AGR2: variants seen among roughly 807,000 people sequenced by gnomAD.
The protein encoded by AGR2 is anterior gradient protein 2 homolog.
In AGR2, 27 loss-of-function variants were observed where a neutral mutation model predicts 25.9. That is an observed-to-expected ratio of 1.04 (90% CI 0.77 to 1.44). The LOEUF (loss-of-function observed/expected upper bound fraction) is 1.44, where lower values mean the gene tolerates loss of function less well. Ranked by LOEUF, AGR2 falls within the 40% of genes most tolerant of loss-of-function variation. The pLI is 0.00. For synonymous variants in AGR2, 78 were observed against 72.0 expected, an observed-to-expected ratio of 1.08 and a Z score of -0.42; for missense variants, 182 against 200.9, an observed-to-expected ratio of 0.91 and a Z score of 0.57.
At position 16,792,058 on chromosome 7, in the gene AGR2, A is replaced by C. The variant is rs1048847056; in HGVS notation, c.*850T>G. The stretch of plus-strand genomic sequence containing the variant: ...CAGCCTTTCACGTTTCCTAAACCCT[A>C]GTAACCTCTGATCTCCATCTGCCTC... On this transcript the variant is annotated 3_prime_UTR_variant, in exon 8 of 8. Transcript: ENST00000419304. The C allele has an allele frequency of 3.3e-5, 5 of 152,220 alleles. No homozygotes were observed. Among genetic ancestry groups the C allele is most frequent in the African/African-American group, 1.2e-4 (5 of 41,444 alleles). The allele number at this position is 152,220 out of a possible 1,614,324, so 9.4% of individuals were successfully genotyped here. A position where few individuals can be genotyped will look rare whatever the true frequency, so the allele number is the denominator to read the frequency against.
chr7:16,797,410 C>T (rs1715119278), intron 6 of AGR2, among the ~76,000 whole-genome samples: 1 of 152,098 alleles, frequency 6.6e-6, no homozygotes, highest in African/African-American at 2.4e-5. Flanking sequence ...TGAAAAGTTA[C>T]AATTAGCATG....
chr7:16,794,237 T>C (rs1367519518), intron 7 of AGR2, among the ~76,000 whole-genome samples: 1 of 82,692 alleles, frequency 1.2e-5, no homozygotes, highest in African/African-American at 3.4e-5. Flanking sequence ...AATGAATTTC[T>C]AACTTTAACT....
At chr7:16,799,687 T>A (rs1248070725) in intron 5 of AGR2, 57 bp downstream of exon 5, 2 of 1,272,492 alleles carry the variant, frequency 1.6e-6, no homozygotes, top group African/African-American at 3.0e-5. Context: ...AAATGAATCA[T>A]CCATTTCAAG....
At chr7:16,800,999 T>C in intron 4 of AGR2, 152 bp downstream of exon 4, 1 of 582,840 alleles carries the variant, frequency 1.7e-6, no homozygotes, top group Non-Finnish European at 2.9e-6. Flanking sequence ...AATGTGGAGA[T>C]ATTTGAAGTC....
At position 16,802,379 on chromosome 7, in the gene AGR2, G is replaced by T. The variant is rs566209613; in HGVS notation, c.-7-576C>A. ...ACCATAACCCCCACAGATAATGGGG[G>T]AACTACCGTAATACACCTAACCCAC... On this transcript the variant is annotated intron_variant, in intron 1 of 7. Transcript: ENST00000419304. Among the ~76,000 whole-genome samples, 5 of 152,252 alleles carry T rather than the reference G, an allele frequency of 3.3e-5. No homozygotes were observed. The East Asian group carries it at 9.7e-4, about 29-fold the overall frequency.
At chr7:16,801,896 A>ATTTTTTTTTTC (rs1420396388) in intron 1 of AGR2, 93 bp from the exon 2 acceptor site, 1 of 1,087,516 alleles carries the variant, frequency 9.2e-7, no homozygotes. Flanking sequence ...AATATACCAG[A>ATTTTTTTTTTC]AACTGAGGCT....
At chr7:16,799,844 C>T (rs748462919) in intron 4 of AGR2, 27 bp from the exon 5 acceptor site, 1 of 1,486,296 alleles carries the variant, frequency 6.7e-7, no homozygotes, top group South Asian at 1.2e-5. Context: ...AATCATTAAG[C>T]ATCCATCTTA....
At chr7:16,794,168 A>G (rs1785005188) in intron 7 of AGR2, among the ~76,000 whole-genome samples, 1 of 152,230 alleles carries the variant, frequency 6.6e-6, no homozygotes, top group Non-Finnish European at 1.5e-5. Flanking sequence ...TTCTGTGATG[A>G]TGGAAATGTT....
In AGR2 at chr7:16,795,023, C is replaced by CA. The variant is rs754104453; in HGVS notation, c.395-5dup. ...GCTCTAACTGTCAGAGATGGGTCTG[C>CA]AAAGATAAATGAAGCAAAAGGGAAT... On this transcript the variant is annotated splice_polypyrimidine_tract_variant and splice_region_variant and intron_variant, in intron 6 of 7. Coordinates refer to ENST00000419304, the MANE Select transcript of AGR2 (RefSeq NM_006408.4). 1.9e-6 allele frequency: 3 copies of CA among 1,613,840 alleles called. No homozygotes were observed. The African/African-American group carries it at 4.0e-5, about 22-fold the overall frequency.
At chr7:16,798,374 A>G (rs184567507) in intron 5 of AGR2, among the ~76,000 whole-genome samples, 142 of 152,278 alleles carry the variant, frequency 9.3e-4, no homozygotes, top group Middle Eastern at 3.4e-3. Context: ...GGACAGGTGG[A>G]GCATTTTCTC....
chr7:16,792,776 A>AGTT lies in AGR2; in HGVS notation c.*129_*131dup, dbSNP rs1489597145. On this transcript the variant is annotated 3_prime_UTR_variant, in exon 8 of 8. Transcript: ENST00000419304. ...CTAAAACTTGTTTTTCTTAAAAAATAGTTGTTGTAACATTAAACCATAACC... is the reference window on the plus strand; with the variant it reads ...CTAAAACTTGTTTTTCTTAAAAAATAGTTGTTGTTGTAACATTAAACCATAACC... 1 of 841,742 alleles carries AGTT rather than the reference A, an allele frequency of 1.2e-6. No individual in the cohort carries two copies. The highest frequency in any genetic ancestry group is 2.4e-5 in the Admixed American group (1 of 41,030). 52.1% of individuals were successfully genotyped at this position (841,742 alleles called of 1,614,324 possible). A position where few individuals can be genotyped will look rare whatever the true frequency, so the allele number is the denominator to read the frequency against.
chr7:16,793,579 A>G (rs1037034664), intron 7 of AGR2, among the ~76,000 whole-genome samples: 1 of 152,234 alleles, frequency 6.6e-6, no homozygotes, highest in African/African-American at 2.4e-5. Flanking sequence ...AGAAATGTCT[A>G]TTAGTAGGTG....
Position 16,799,739 on chromosome 7 carries a change from C to T in AGR2, c.330+5G>A. 1 of 1,607,504 alleles carries T rather than the reference C, an allele frequency of 6.2e-7. No homozygotes were observed. The highest frequency in any genetic ancestry group is 1.3e-5 in the African/African-American group (1 of 74,718). On this transcript the variant is annotated splice_donor_5th_base_variant and intron_variant, in intron 5 of 7. Coordinates refer to ENST00000419304, the MANE Select transcript of AGR2 (RefSeq NM_006408.4). ...AATGTTAGTAATGATGAAAAGGAAACTTACAACCAGATTGAGGAGGACAAA... is the reference window on the plus strand; with the variant it reads ...AATGTTAGTAATGATGAAAAGGAAATTTACAACCAGATTGAGGAGGACAAA...
At chr7:16,794,127 A>G in intron 7 of AGR2, among the ~76,000 whole-genome samples, 1 of 152,142 alleles carries the variant, frequency 6.6e-6, no homozygotes, top group Non-Finnish European at 1.5e-5. Context: ...TCCCAACATG[A>G]CGTTCTAAGT....
At chr7:16,799,417 C>T (rs1249201090) in intron 5 of AGR2, among the ~76,000 whole-genome samples, 1 of 151,956 alleles carries the variant, frequency 6.6e-6, no homozygotes, top group Non-Finnish European at 1.5e-5. Flanking sequence ...CAAGAGATGA[C>T]CAGGATTAAG....
chr7:16,793,877 C>T (rs1221627470), intron 7 of AGR2, among the ~76,000 whole-genome samples: 5 of 152,210 alleles, frequency 3.3e-5, no homozygotes, highest in Non-Finnish European at 5.9e-5. Flanking sequence ...CATTGAACAG[C>T]CGCTTATTCA....
intron 1 of AGR2, among the ~76,000 whole-genome samples, chr7:16,802,969 G>A (rs532398377): frequency 6.6e-6 from 1 of 151,998 alleles, no homozygotes; most frequent in African/African-American, 2.4e-5. Flanking sequence ...AGGAGCTGGG[G>A]CTACAGGCAC....
At chr7:16,797,929 G>T (rs975189897) in intron 5 of AGR2, among the ~76,000 whole-genome samples, 1 of 152,172 alleles carries the variant, frequency 6.6e-6, no homozygotes, top group African/African-American at 2.4e-5. Flanking sequence ...AAAAAATTAA[G>T]GGAGAATTTG....
At chr7:16,794,597 A>G (rs1785012860) in intron 7 of AGR2, 1 of 474,878 alleles carries the variant, frequency 2.1e-6, no homozygotes, top group Non-Finnish European at 3.7e-6. Context: ...AGACATGCAG[A>G]TTATTACAAT....
Sources: gnomAD v4.1 joint callset for allele counts (sites outside exome capture counted in the v4.1 genomes callset) on GRCh38, gnomAD v4.1.1 for gene constraint, MANE v1.5 for transcripts, NCBI Gene and HGNC (gene_info 2026-07-23, HGNC 2026-07-21) for gene names.